The following DLG2 variants were observed in gnomAD, a reference collection of about 807,000 sequenced individuals.
DLG2 encodes discs large MAGUK scaffold protein 2.
A neutral mutation model predicts 132.5 loss-of-function variants in DLG2; 45 were observed. The ratio of observed to expected loss-of-function variants is 0.34; its 90% CI spans 0.27 to 0.44. The LOEUF is 0.44. Among genes scored for constraint, DLG2 ranks in the 20% least tolerant of loss-of-function variants. The pLI, the probability that DLG2 is intolerant of heterozygous loss-of-function variation, is 1.00. For synonymous variants in DLG2, 424 were observed against 419.6 expected (o/e 1.01, Z -0.13); for missense variants, 1,045 against 1,196.9 (o/e 0.87, Z 1.87).
intron 3 of DLG2, among the ~76,000 whole-genome samples, chr11:85,393,982 C>T (rs1418467006): frequency 1.3e-5 from 2 of 151,924 alleles, no homozygotes; most frequent in African/African-American, 2.4e-5. Context: ...GATGGGTGCA[C>T]CAAAATCTCA....
intron 7 of DLG2, among the ~76,000 whole-genome samples, chr11:84,529,206 T>C (rs2099329452): frequency 6.6e-6 from 1 of 152,194 alleles, no homozygotes; most frequent in Non-Finnish European, 1.5e-5. Flanking sequence ...GGACAAAAGT[T>C]GGAAGCATTC....
At chr11:85,498,090 A>C (rs572717507) in intron 3 of DLG2, among the ~76,000 whole-genome samples, 1 of 152,340 alleles carries the variant, frequency 6.6e-6, no homozygotes, top group South Asian at 2.1e-4. Context: ...TATTAACCTT[A>C]AATGTAAATG....
At chr11:84,605,994 C>A (rs1200546450) in intron 6 of DLG2, among the ~76,000 whole-genome samples, 1 of 151,954 alleles carries the variant, frequency 6.6e-6, no homozygotes, top group South Asian at 2.1e-4. Flanking sequence ...CAGTGCATTT[C>A]TTTTTCTCCT....
chr11:83,698,598 C>G (rs1267071627), intron 18 of DLG2, among the ~76,000 whole-genome samples: 1 of 151,852 alleles, frequency 6.6e-6, no homozygotes, highest in African/African-American at 2.4e-5. Flanking sequence ...TCTGGCAAAA[C>G]AAAAACTTTC....
intron 3 of DLG2, among the ~76,000 whole-genome samples, chr11:85,541,931 T>C (rs1028161858): frequency 2.0e-5 from 3 of 152,098 alleles, no homozygotes; most frequent in African/African-American, 4.8e-5. Flanking sequence ...TTTTAAAAAA[T>C]AATAATATGA....
chr11:85,136,076 A>G (rs987330183), intron 5 of DLG2, among the ~76,000 whole-genome samples: 1 of 152,210 alleles, frequency 6.6e-6, no homozygotes, highest in African/African-American at 2.4e-5. Context: ...AATATGTTAT[A>G]CCTTTATACA....
At chr11:83,739,576 G>A (rs2092330356) in intron 18 of DLG2, among the ~76,000 whole-genome samples, 1 of 152,008 alleles carries the variant, frequency 6.6e-6, no homozygotes, top group Non-Finnish European at 1.5e-5. Context: ...TCAAATAGCT[G>A]AAAAATATAT....
At chr11:83,882,773 T>C (rs2066641079) in intron 15 of DLG2, among the ~76,000 whole-genome samples, 1 of 152,202 alleles carries the variant, frequency 6.6e-6, no homozygotes, top group African/African-American at 2.4e-5. Context: ...ATGTGCAGGG[T>C]AGGAAAAGTT....
chr11:83,541,200 C>G lies in DLG2; in HGVS notation c.2117+482G>C, dbSNP rs562320824. ...GTTTGACAGCTCACATCCCAAGCACCTGAATTTGAGATGAAGGTTTTCCAT... is the reference window on the plus strand; with the variant it reads ...GTTTGACAGCTCACATCCCAAGCACGTGAATTTGAGATGAAGGTTTTCCAT... On this transcript the variant is annotated intron_variant, in intron 20 of 27. Coordinates refer to ENST00000376104, the MANE Select transcript of DLG2 (RefSeq NM_001142699.3). Among the ~76,000 whole-genome samples, 13 of 152,284 alleles carry G rather than the reference C, an allele frequency of 8.5e-5. No individual in the cohort carries two copies. In the South Asian group the frequency reaches 2.1e-3, roughly 24 times the overall value.
intron 3 of DLG2, among the ~76,000 whole-genome samples, chr11:85,551,588 CA>C (rs1205975297): frequency 1.3e-5 from 2 of 151,862 alleles, no homozygotes; most frequent in African/African-American, 4.8e-5. Context: ...TTAAAAATTA[CA>C]AAAACATTGA....
At chr11:85,049,091 A>G (rs1384872886) in intron 6 of DLG2, among the ~76,000 whole-genome samples, 1 of 152,042 alleles carries the variant, frequency 6.6e-6, no homozygotes, top group Admixed American at 6.6e-5. Context: ...TGAGATTCCT[A>G]AAGAAGAAAA....
intron 3 of DLG2, among the ~76,000 whole-genome samples, chr11:85,588,164 G>T (rs999170780): frequency 6.6e-6 from 1 of 152,116 alleles, no homozygotes; most frequent in Non-Finnish European, 1.5e-5. Context: ...ATAACCTGAT[G>T]ACAACTATGT....
intron 7 of DLG2, among the ~76,000 whole-genome samples, chr11:84,267,340 A>T (rs1651943418): frequency 6.6e-6 from 1 of 152,212 alleles, no homozygotes; most frequent in Non-Finnish European, 1.5e-5. Context: ...GTTACTAGGC[A>T]TAAGGAAAGG....
intron 21 of DLG2, among the ~76,000 whole-genome samples, chr11:83,506,420 T>C (rs1235116568): frequency 6.6e-6 from 1 of 152,142 alleles, no homozygotes; most frequent in African/African-American, 2.4e-5. Context: ...TTCAAAGCAT[T>C]GATTTTTGAG....
chr11:84,551,341 T>A (rs1032520119), intron 6 of DLG2, among the ~76,000 whole-genome samples: 2 of 152,200 alleles, frequency 1.3e-5, no homozygotes, highest in Non-Finnish European at 1.5e-5. Context: ...TGCAACTTAA[T>A]GTGCAATTGT....
intron 22 of DLG2, among the ~76,000 whole-genome samples, chr11:83,481,631 C>G (rs766620349): frequency 3.9e-5 from 6 of 152,040 alleles, no homozygotes; most frequent in Admixed American, 1.3e-4. Context: ...GGTCTGTGAT[C>G]AGAACTGCAT....
At chr11:84,535,871 C>A (rs1450848793) in intron 6 of DLG2, among the ~76,000 whole-genome samples, 1 of 152,004 alleles carries the variant, frequency 6.6e-6, no homozygotes, top group African/African-American at 2.4e-5. Context: ...ATTGTCATAA[C>A]ACCATCACAG....
intron 7 of DLG2, among the ~76,000 whole-genome samples, chr11:84,348,473 T>C (rs988865755): frequency 6.6e-6 from 1 of 152,310 alleles, no homozygotes. Flanking sequence ...AGAGTAATAT[T>C]CAGGGATCTC....
chr11:83,935,171 A>T (rs1231780724), intron 14 of DLG2, among the ~76,000 whole-genome samples: 1 of 152,212 alleles, frequency 6.6e-6, no homozygotes, highest in Non-Finnish European at 1.5e-5. Flanking sequence ...TGGGACGTCA[A>T]GGGCTCAGAT....
Sources: gnomAD v4.1 joint callset for allele counts (sites outside exome capture counted in the v4.1 genomes callset) on GRCh38, gnomAD v4.1.1 for gene constraint, MANE v1.5 for transcripts, NCBI Gene and HGNC (gene_info 2026-07-23, HGNC 2026-07-21) for gene names.